ITFG2: variants seen among roughly 807,000 people sequenced by gnomAD.
ITFG2 encodes KICSTOR complex protein ITFG2.
ITFG2 carries 36 observed loss-of-function variants against 54.4 expected under a neutral mutation model. That is an observed-to-expected ratio of 0.66 (90% CI 0.51 to 0.87). The LOEUF is 0.87. Among genes scored for constraint, ITFG2 ranks in the 40% least tolerant of loss-of-function variants. ITFG2 has a pLI of 0.00. For missense variants in ITFG2, 524 were observed against 576.7 expected (o/e 0.91, Z 0.94); for synonymous variants, 211 against 225.4 (o/e 0.94, Z 0.57).
chr12:2,829,864 G>A (rs535064556), downstream of ITFG2, among the ~76,000 whole-genome samples: 27 of 118,914 alleles, frequency 2.3e-4, no homozygotes, highest in South Asian at 8.8e-3. Flanking sequence ...GATCACCTGA[G>A]GTCAGGAGTT....
intron 2 of ITFG2, among the ~76,000 whole-genome samples, chr12:2,842,059 C>G (rs1488686461): frequency 6.8e-6 from 1 of 146,478 alleles, no homozygotes; most frequent in Non-Finnish European, 1.5e-5. Flanking sequence ...AAATAAAATA[C>G]ATAAAAACAA....
intron 4 of ITFG2, chr12:2,819,813 G>C (rs1400982027): frequency 3.4e-6 from 1 of 295,590 alleles, no homozygotes; most frequent in Admixed American, 4.9e-5. Context: ...CTTGTAGGTG[G>C]TGGGAGATAC....
intron 3 of ITFG2, chr12:2,858,525 A>T: frequency 1.1e-6 from 1 of 874,110 alleles, no homozygotes; most frequent in Non-Finnish European, 1.7e-6. Flanking sequence ...GCAGGGAGCT[A>T]TGAGGAGCAG....
At chr12:2,848,858 C>A (rs1012180999) in intron 2 of ITFG2, among the ~76,000 whole-genome samples, 4 of 146,924 alleles carry the variant, frequency 2.7e-5, no homozygotes, top group Admixed American at 7.1e-5. Flanking sequence ...TCTTCCCCCA[C>A]CCCAACAGAC....
intron 2 of ITFG2, 32 bp from the exon 3 acceptor site, chr12:2,817,865 GGTCTCCCTTAGC>G: frequency 6.3e-7 from 1 of 1,582,722 alleles, no homozygotes; most frequent in Non-Finnish European, 8.6e-7. Context: ...AGGGAGTACT[GGTCTCCCTTAGC>G]GTCTCCCTGA....
chr12:2,855,399 C>G, intron 2 of ITFG2: 1 of 919,572 alleles, frequency 1.1e-6, no homozygotes, highest in Non-Finnish European at 1.5e-6. Flanking sequence ...AGAACTCACG[C>G]TGAGCCCACG....
chr12:2,822,354 G>T (rs544853876), intron 9 of ITFG2, among the ~76,000 whole-genome samples: 1 of 152,280 alleles, frequency 6.6e-6, no homozygotes, highest in South Asian at 2.1e-4. Flanking sequence ...TAGCCCCAAA[G>T]AAAAGTTACT....
chr12:2,852,420 G>A (rs775768359), intron 2 of ITFG2, among the ~76,000 whole-genome samples: 5 of 152,058 alleles, frequency 3.3e-5, no homozygotes, highest in African/African-American at 1.2e-4. Flanking sequence ...AGCCTGGAGT[G>A]CAGTGGCACA....
chr12:2,817,576 A>G (rs1486070738), intron 2 of ITFG2: 4 of 522,692 alleles, frequency 7.7e-6, no homozygotes, highest in Non-Finnish European at 1.4e-5. Context: ...GAAGTTGCCT[A>G]AGGTTGTCTA....
chr12:2,856,798 TG>T (rs1050628507), intron 2 of ITFG2, among the ~76,000 whole-genome samples: 4 of 152,180 alleles, frequency 2.6e-5, no homozygotes, highest in Admixed American at 2.6e-4. Flanking sequence ...TTCTGAGCTC[TG>T]GGTTCCTAGT....
rs114779152 is a variant in ITFG2, at chr12:2,852,051, T to G, written n.301-5961T>G. ...CAACTTCAACATCATCAGGCAGGAG[T>G]TTTTTTTTTAGCTCCATTATAATCT... On this transcript the variant is annotated intron_variant and non_coding_transcript_variant, in intron 2 of 3. Coordinates refer to the ITFG2 transcript ENST00000537710. 3.6e-3 allele frequency among the ~76,000 whole-genome samples: 534 copies of G among 148,050 alleles called. 4 individuals carry two copies. Among genetic ancestry groups the G allele is most frequent in the African/African-American group, 0.012 (476 of 40,270 alleles).
chr12:2,827,523 A>T, downstream of ITFG2: 1 of 1,581,250 alleles, frequency 6.3e-7, no homozygotes, highest in Non-Finnish European at 8.6e-7. This position sits in a 1 kb window ranked among gnomAD's most constrained non-coding sequence, Gnocchi z 4.0. Flanking sequence ...ACAGTTGCCC[A>T]TCTCTAAGTC....
chr12:2,820,656 C>CCCCCCCTTT, intron 5 of ITFG2, 68 bp from the exon 6 acceptor site: 5 of 1,141,416 alleles, frequency 4.4e-6, no homozygotes, highest in Non-Finnish European at 6.3e-6. Context: ...CCACCGCCCC[C>CCCCCCCTTT]TGCCGTTCTC....
intron 10 of ITFG2, 49 bp downstream of exon 10, chr12:2,822,960 G>T (rs773520375): frequency 4.4e-6 from 6 of 1,378,164 alleles, no homozygotes; most frequent in Non-Finnish European, 6.2e-6. Context: ...AAGTTAGATA[G>T]GCGTGTTAGG....
chr12:2,836,106 T>C (rs528407573), upstream of ITFG2, among the ~76,000 whole-genome samples: 6 of 152,364 alleles, frequency 3.9e-5, no homozygotes, highest in East Asian at 1.2e-3. Context: ...GGGGCACCTA[T>C]GTAGGCATTT....
At chr12:2,834,956 G>T (rs750409344), upstream of ITFG2, 3 of 1,591,148 alleles carry the variant, frequency 1.9e-6, no homozygotes, top group African/African-American at 4.1e-5. Context: ...GGTCTCCACG[G>T]GAGGGAAAGA....
intron 2 of ITFG2, chr12:2,857,462 G>A (rs2098091325): frequency 4.5e-6 from 1 of 223,638 alleles, no homozygotes; most frequent in South Asian, 7.5e-5. Flanking sequence ...CAAGGTCAGA[G>A]ACGCCAGGGA....
upstream of ITFG2, among the ~76,000 whole-genome samples, chr12:2,832,938 C>T (rs531830303): frequency 1.3e-5 from 2 of 151,938 alleles, no homozygotes; most frequent in Non-Finnish European, 2.9e-5. Flanking sequence ...TCAGCGAGCT[C>T]TGGGATTGGC....
At position 2,845,710 on chromosome 12, in the gene ITFG2, A is replaced by G. The variant is rs2098051752; in HGVS notation, n.300+4715A>G. 1.3e-5 allele frequency among the ~76,000 whole-genome samples: 2 copies of G among 152,094 alleles called. No individual in the cohort carries two copies. The highest frequency in any genetic ancestry group is 4.8e-5 in the African/African-American group (2 of 41,424). ...AGAGCTGCACTCCAGCTGTGGTGAA[A>G]GAGTGGATCTTTAGGCAGATACAGA... On this transcript the variant is annotated intron_variant and non_coding_transcript_variant, in intron 2 of 3. Transcript: ENST00000537710. The surrounding 1 kb of genome is among the most constrained non-coding windows in gnomAD (Gnocchi z 4.2).
Sources: gnomAD v4.1 joint callset for allele counts (sites outside exome capture counted in the v4.1 genomes callset) on GRCh38, gnomAD v4.1.1 for gene constraint, Gnocchi (gnomAD v3.1) non-coding constraint, MANE v1.5 for transcripts, NCBI Gene and HGNC (gene_info 2026-07-23, HGNC 2026-07-21) for gene names.